The following DLG2 variants were observed in gnomAD, a reference collection of about 807,000 sequenced individuals.
The protein encoded by DLG2 is discs large MAGUK scaffold protein 2.
Under a neutral mutation model 132.5 loss-of-function variants are expected in DLG2, and 45 were observed. That is an observed-to-expected ratio of 0.34 (90% CI 0.27 to 0.44). The LOEUF (loss-of-function observed/expected upper bound fraction) is 0.44. Among genes scored for constraint, DLG2 ranks in the 20% least tolerant of loss-of-function variants. The pLI is 1.00. For synonymous variants in DLG2, 424 were observed against 419.6 expected (o/e 1.01, Z -0.13); for missense variants, 1,045 against 1,196.9 (o/e 0.87, Z 1.87).
intron 6 of DLG2, among the ~76,000 whole-genome samples, chr11:84,741,207 C>T (rs1379786604): frequency 1.3e-5 from 2 of 151,524 alleles, no homozygotes; most frequent in Non-Finnish European, 3.0e-5. Context: ...GCTGGGACTA[C>T]AGGCGCCCGC....
Position 84,534,900 on chromosome 11 carries a change from C to G in DLG2, c.358-169G>C. 7 of 781,448 alleles carry G rather than the reference C, an allele frequency of 9.0e-6. No individual in the cohort carries two copies. The Admixed American group carries it at 1.2e-4, about 14-fold the overall frequency. The allele number at this position is 781,448 out of a possible 1,614,324, so 48.4% of individuals were successfully genotyped here. On this transcript the variant is annotated intron_variant, in intron 6 of 27. Transcript: ENST00000376104. ...TTCTGGCGGTCACCATAGACCAGGT[C>G]AAATGCAAGCAGAACTGAGTTAACC...
chr11:85,136,419 C>A (rs952066262), intron 5 of DLG2, among the ~76,000 whole-genome samples: 4 of 152,076 alleles, frequency 2.6e-5, no homozygotes, highest in African/African-American at 9.7e-5. Flanking sequence ...ATAATTCACT[C>A]CTTTGCCTCA....
At chr11:84,710,103 C>T (rs898010479) in intron 6 of DLG2, among the ~76,000 whole-genome samples, 5 of 151,758 alleles carry the variant, frequency 3.3e-5, no homozygotes, top group African/African-American at 9.7e-5. Context: ...AAATGAATAG[C>T]GTATAGATTA....
chr11:85,534,052 A>C (rs771127667), intron 3 of DLG2, among the ~76,000 whole-genome samples: 3 of 152,094 alleles, frequency 2.0e-5, no homozygotes, highest in Non-Finnish European at 4.4e-5. Flanking sequence ...CAATGGCGCT[A>C]TCCCAGCTCA....
intron 6 of DLG2, among the ~76,000 whole-genome samples, chr11:84,679,119 CA>C (rs1443206829): frequency 6.6e-6 from 1 of 151,288 alleles, no homozygotes; most frequent in Non-Finnish European, 1.5e-5. Flanking sequence ...AAAAATAATA[CA>C]AAATAACAGC....
At chr11:83,467,030 G>C (rs2091156991) in intron 25 of DLG2, among the ~76,000 whole-genome samples, 1 of 152,194 alleles carries the variant, frequency 6.6e-6, no homozygotes, top group South Asian at 2.1e-4. Context: ...CCCTTACAAA[G>C]TGTCTGCTAC....
intron 16 of DLG2, among the ~76,000 whole-genome samples, chr11:83,851,151 T>C (rs1185979807): frequency 6.8e-6 from 1 of 147,684 alleles, no homozygotes; most frequent in Non-Finnish European, 1.5e-5. Flanking sequence ...TACTCCAGCC[T>C]GGGTGACAGA....
chr11:84,469,014 C>T (rs1162895539), intron 7 of DLG2, among the ~76,000 whole-genome samples: 2 of 151,518 alleles, frequency 1.3e-5, no homozygotes, highest in African/African-American at 4.8e-5. Context: ...CAGACAGGGA[C>T]CAAACCAGTC....
chr11:83,871,642 G>T (rs982199386), intron 16 of DLG2, among the ~76,000 whole-genome samples: 1 of 21,076 alleles, frequency 4.7e-5, no homozygotes, highest in African/African-American at 2.1e-4. Context: ...CTATGTGCAC[G>T]TTATCTCTTC....
intron 6 of DLG2, among the ~76,000 whole-genome samples, chr11:84,583,395 G>T (rs555454268): frequency 2.6e-5 from 4 of 152,300 alleles, no homozygotes; most frequent in African/African-American, 9.6e-5. Context: ...TCTCTTTAAA[G>T]TAAAACTCAA....
chr11:85,070,966 G>C (rs1203518084), intron 6 of DLG2, among the ~76,000 whole-genome samples: 1 of 151,848 alleles, frequency 6.6e-6, no homozygotes, highest in Admixed American at 6.6e-5. Flanking sequence ...TTGGACACTG[G>C]AGTCAGTCTG....
chr11:83,721,742 G>A (rs1279570740), intron 18 of DLG2, among the ~76,000 whole-genome samples: 4 of 152,184 alleles, frequency 2.6e-5, no homozygotes, highest in Admixed American at 6.5e-5. Flanking sequence ...TGGGAATGTC[G>A]ACCTCAACGC....
chr11:85,098,373 G>T (rs1338700583), intron 6 of DLG2, among the ~76,000 whole-genome samples: 3 of 152,146 alleles, frequency 2.0e-5, no homozygotes, highest in Admixed American at 2.0e-4. Context: ...ACAGGGACTG[G>T]ATTAGATGAG....
intron 3 of DLG2, among the ~76,000 whole-genome samples, chr11:85,305,766 G>A (rs1397657459): frequency 1.3e-5 from 2 of 152,166 alleles, no homozygotes. Context: ...GCCCGCCTCG[G>A]CTTCCCAAAG....
intron 18 of DLG2, among the ~76,000 whole-genome samples, chr11:83,704,327 A>G (rs1178911338): frequency 6.6e-6 from 1 of 152,178 alleles, no homozygotes; most frequent in East Asian, 1.9e-4. Flanking sequence ...AACCTCCCTT[A>G]TGTATTTCAT....
chr11:84,839,155 C>CA (rs1238583755), intron 6 of DLG2, among the ~76,000 whole-genome samples: 5 of 152,104 alleles, frequency 3.3e-5, no homozygotes, highest in African/African-American at 4.8e-5. Flanking sequence ...TCTCAGGATA[C>CA]AAAATCAATG....
chr11:83,721,777 G>A (rs1373998827), intron 18 of DLG2, among the ~76,000 whole-genome samples: 2 of 152,216 alleles, frequency 1.3e-5, no homozygotes, highest in African/African-American at 4.8e-5. Context: ...CACATATGCA[G>A]CCAGAGGAAC....
Position 83,471,687 on chromosome 11 carries a change from C to T in DLG2, c.2385G>A (p.Lys795=). The change falls in exon 24 of 28, where the codon AAG becomes AAA. Residue 795 remains lysine (K), a synonymous_variant. Coordinates refer to ENST00000376104, the MANE Select transcript of DLG2 (RefSeq NM_001142699.3). ...ATATCAAGTCGTCATTGATCCGATC[C>T]TTCATGGGCCCCAGGATAATCACCG... ...TRPVIILGPM[K]DRINDDLISE... is the part of the protein sequence containing the mutation. The T allele has an allele frequency of 1.9e-6, 3 of 1,612,930 alleles. No homozygotes were observed. The highest frequency in any genetic ancestry group is 2.5e-6 in the Non-Finnish European group (3 of 1,179,372).
At chr11:84,380,820 T>C (rs189698987) in intron 7 of DLG2, among the ~76,000 whole-genome samples, 2 of 152,042 alleles carry the variant, frequency 1.3e-5, no homozygotes, top group Admixed American at 1.3e-4. Context: ...TCTGGAAAGA[T>C]CTCTCAAGAA....
Sources: allele counts gnomAD v4.1 joint callset (sites outside exome capture counted in the v4.1 genomes callset), GRCh38; gene constraint gnomAD v4.1.1; transcripts MANE v1.5; gene names NCBI Gene and HGNC (gene_info 2026-07-23, HGNC 2026-07-21).